Variants in SPHKAP observed in about 807,000 individuals in gnomAD.
The protein encoded by SPHKAP is SPHK1 interactor, AKAP domain containing.
A neutral mutation model predicts 137.5 loss-of-function variants in SPHKAP; 67 were observed. That is an observed-to-expected ratio of 0.49 (90% confidence interval 0.40 to 0.60). SPHKAP has a LOEUF of 0.60. Ranked by LOEUF, SPHKAP falls within the 20% of genes least tolerant of loss-of-function variation. The pLI is 0.00. For synonymous variants in SPHKAP, 813 were observed against 785.3 expected, an observed-to-expected ratio of 1.04 and a Z score of -0.59; for missense variants, 2,097 against 2,069.3, an observed-to-expected ratio of 1.01 and a Z score of -0.26.
intron 2 of SPHKAP, among the ~76,000 whole-genome samples, chr2:228,114,139 T>G (rs1389649090): frequency 6.6e-6 from 1 of 152,134 alleles, no homozygotes; most frequent in Admixed American, 6.6e-5. Flanking sequence ...TATTTTTAGT[T>G]ATGGACTTAT....
At chr2:228,080,839 A>G (rs889941841) in intron 3 of SPHKAP, among the ~76,000 whole-genome samples, 1 of 152,214 alleles carries the variant, frequency 6.6e-6, no homozygotes, top group African/African-American at 2.4e-5. Flanking sequence ...TATTATCAAA[A>G]AGACAAAAGA....
intron 1 of SPHKAP, among the ~76,000 whole-genome samples, chr2:228,137,672 C>T (rs1699477565): frequency 6.6e-6 from 1 of 151,794 alleles, no homozygotes; most frequent in Admixed American, 6.6e-5. Context: ...CCTTTAATCC[C>T]AACACTAGAA....
chr2:228,164,180 G>A (rs1700354860), intron 1 of SPHKAP, among the ~76,000 whole-genome samples: 1 of 151,512 alleles, frequency 6.6e-6, no homozygotes. Context: ...CAGCCTGCAG[G>A]TTCTTCAGCC....
chr2:227,990,801 C>A (rs1270703435), intron 11 of SPHKAP, 199 bp downstream of exon 11: 1 of 578,074 alleles, frequency 1.7e-6, no homozygotes, highest in African/African-American at 1.9e-5. Flanking sequence ...CTAGCCAAGA[C>A]AAAGTAAGGA....
chr2:228,082,064 C>T (rs971565192), intron 3 of SPHKAP, among the ~76,000 whole-genome samples: 2 of 152,076 alleles, frequency 1.3e-5, no homozygotes, highest in East Asian at 1.9e-4. Context: ...TGAATAAGTA[C>T]GATTTTTATT....
rs1700745581 is a variant in SPHKAP, at chr2:228,176,521, A to T, written c.32+5046T>A. 2.6e-5 allele frequency among the ~76,000 whole-genome samples: 4 copies of T among 152,226 alleles called. No individual in the cohort carries two copies. In the South Asian group the frequency reaches 8.3e-4, roughly 32 times the overall value. On this transcript the variant is annotated intron_variant, in intron 1 of 11. Transcript: ENST00000392056. Reference sequence around the variant, plus strand: ...GAGGCAGAGAAGCAACAGGTCAGGTAACTTGCCCAGACAGTCTCAGCCATT... The same window carrying T: ...GAGGCAGAGAAGCAACAGGTCAGGTTACTTGCCCAGACAGTCTCAGCCATT...
At chr2:228,135,513 T>G (rs1036592191) in intron 1 of SPHKAP, among the ~76,000 whole-genome samples, 2 of 152,212 alleles carry the variant, frequency 1.3e-5, no homozygotes, top group Non-Finnish European at 2.9e-5. Flanking sequence ...TAAGAACTGC[T>G]GAGCTCATCT....
chr2:228,163,120 A>G (rs1574910193), intron 1 of SPHKAP, among the ~76,000 whole-genome samples: 1 of 152,188 alleles, frequency 6.6e-6, no homozygotes, highest in Non-Finnish European at 1.5e-5. Context: ...TTGCTGTCCC[A>G]CTTTTAAAGT....
intron 7 of SPHKAP, 80 bp from the exon 8 acceptor site, chr2:227,995,774 A>C: frequency 7.1e-7 from 1 of 1,410,466 alleles, no homozygotes; most frequent in East Asian, 2.5e-5. Flanking sequence ...CACTTTGTAG[A>C]GTCCCAATAA....
intron 5 of SPHKAP, among the ~76,000 whole-genome samples, chr2:228,022,398 A>ATAAT (rs1694875788): frequency 2.6e-5 from 4 of 152,202 alleles, no homozygotes; most frequent in Admixed American, 2.6e-4. Flanking sequence ...TCTGTGTTTG[A>ATAAT]TAATTGGCTT....
At chr2:228,123,985 G>A (rs1259159219) in intron 2 of SPHKAP, among the ~76,000 whole-genome samples, 1 of 151,998 alleles carries the variant, frequency 6.6e-6, no homozygotes, top group African/African-American at 2.4e-5. Context: ...ATGAAAAAAT[G>A]CTCATCATCA....
At chr2:228,131,780 T>C in intron 2 of SPHKAP, 200 bp downstream of exon 2, 1 of 984,660 alleles carries the variant, frequency 1.0e-6, no homozygotes, top group Non-Finnish European at 1.2e-6. Context: ...GGCTTATGAT[T>C]TTCTATGCCT....
chr2:228,024,807 T>A (rs1694970898), intron 5 of SPHKAP, among the ~76,000 whole-genome samples: 1 of 152,208 alleles, frequency 6.6e-6, no homozygotes, highest in African/African-American at 2.4e-5. Flanking sequence ...TAAATAATGT[T>A]ATAGTGATTT....
intron 7 of SPHKAP, among the ~76,000 whole-genome samples, chr2:228,003,121 G>T (rs1450840548): frequency 2.6e-5 from 4 of 152,212 alleles, no homozygotes; most frequent in African/African-American, 9.7e-5. Context: ...TTGGTAGCTT[G>T]ATGGGGATGG....
chr2:228,011,726 G>T (rs1345593418), intron 7 of SPHKAP, among the ~76,000 whole-genome samples: 2 of 151,998 alleles, frequency 1.3e-5, no homozygotes, highest in Non-Finnish European at 2.9e-5. Flanking sequence ...GACAGTAATT[G>T]TATCTATTAT....
rs771190910 is a variant in SPHKAP, at chr2:227,981,775, T to G, written c.5045A>C (p.His1682Pro). The change falls in exon 12 of 12, where the codon CAT becomes CCT. Residue 1682 changes from histidine (H) to proline (P), a missense_variant. Physicochemically the swap from His to Pro is moderately conservative, Grantham distance 77. Transcript: ENST00000392056. ...CAGTCTCCCATCCTTCTGCTCCTCA[T>G]GCATTTTGCAGTACTGGACAACTGC... ...FHAVVQYCKM[H>P]EEQKDGRLSL... 1.5e-5 allele frequency: 24 copies of G among 1,613,838 alleles called. No homozygotes were observed. Among genetic ancestry groups the G allele is most frequent in the Non-Finnish European group, 1.9e-5 (23 of 1,179,870 alleles).
chr2:228,033,257 T>G (rs188160949), intron 3 of SPHKAP, among the ~76,000 whole-genome samples: 147 of 151,926 alleles, frequency 9.7e-4, no homozygotes, highest in African/African-American at 3.4e-3. Context: ...GACTTTAAAC[T>G]AACAAAGATC....
intron 1 of SPHKAP, among the ~76,000 whole-genome samples, chr2:228,180,346 G>A (rs1172952213): frequency 6.6e-6 from 1 of 152,148 alleles, no homozygotes; most frequent in Non-Finnish European, 1.5e-5. Context: ...AGCCTTCAAT[G>A]CCTTTGGAAA....
chr2:228,095,987 G>GTC (rs1314053875), intron 3 of SPHKAP, among the ~76,000 whole-genome samples: 1 of 152,210 alleles, frequency 6.6e-6, no homozygotes, highest in Non-Finnish European at 1.5e-5. Flanking sequence ...AATTTGGTGT[G>GTC]TCTCTCACTG....
Sources: allele counts gnomAD v4.1 joint callset (sites outside exome capture counted in the v4.1 genomes callset), GRCh38; gene constraint gnomAD v4.1.1; transcripts MANE v1.5; gene names NCBI Gene and HGNC (gene_info 2026-07-23, HGNC 2026-07-21).